AP3D1: variants seen among roughly 807,000 people sequenced by gnomAD.
The protein encoded by AP3D1 is AP-3 complex subunit delta-1.
AP3D1 carries 51 observed loss-of-function variants against 147.6 expected under a neutral mutation model. The ratio of observed to expected loss-of-function variants is 0.35; its 90% CI spans 0.28 to 0.44. The LOEUF (loss-of-function observed/expected upper bound fraction) is 0.44, where lower values mean the gene tolerates loss of function less well. Among genes scored for constraint, AP3D1 ranks in the 20% least tolerant of loss-of-function variants. AP3D1 has a pLI of 1.00. For synonymous variants in AP3D1, 760 were observed against 663.0 expected, an observed-to-expected ratio of 1.15 and a Z score of -2.25; for missense variants, 1,421 against 1,624.2, an observed-to-expected ratio of 0.87 and a Z score of 2.15.
At position 2,110,746 on chromosome 19, in the gene AP3D1, C is replaced by T. The variant is rs367631461; in HGVS notation, c.3136G>A (p.Val1046Ile). 7 of 1,610,074 alleles carry T rather than the reference C, an allele frequency of 4.3e-6. No individual in the cohort carries two copies. Among genetic ancestry groups the T allele is most frequent in the African/African-American group, 4.0e-5 (3 of 74,818 alleles). Residue 1046 changes from valine (V) to isoleucine (I), a missense_variant, in exon 27 of 32, where the codon GTC (valine) becomes ATC (isoleucine). Coordinates refer to ENST00000643116, the MANE Select transcript of AP3D1 (RefSeq NM_001261826.3). ...ARMARPQGSSVHDGVPVPFQL... is the reference protein window; with the variant it reads ...ARMARPQGSSIHDGVPVPFQL... ...AAAGGCACGGGGACGCCATCGTGGACGGAGGAGCCCTGCGGCCGGGCCATC... is the reference window on the plus strand; with the variant it reads ...AAAGGCACGGGGACGCCATCGTGGATGGAGGAGCCCTGCGGCCGGGCCATC...
chr19:2,108,675 C>T lies in AP3D1; in HGVS notation c.3552+12G>A, dbSNP rs769345291. On this transcript the variant is annotated intron_variant, in intron 31 of 31. Coordinates refer to ENST00000643116, the MANE Select transcript of AP3D1 (RefSeq NM_001261826.3). The stretch of plus-strand genomic sequence containing the variant: ...GCAGGAGCCAGGGTGTGCACAGCAG[C>T]CCGAGGCTCACCTTTTTCACCAGGA... 1.3e-6 allele frequency: 2 copies of T among 1,569,032 alleles called. No homozygotes were observed. The highest frequency in any genetic ancestry group is 1.7e-6 in the Non-Finnish European group (2 of 1,157,294).
chr19:2,139,125 T>C (rs992021885), intron 1 of AP3D1, among the ~76,000 whole-genome samples: 16 of 138,876 alleles, frequency 1.2e-4, no homozygotes, highest in Non-Finnish European at 2.2e-4. Flanking sequence ...CACCGTGTAA[T>C]CCATTTCTAT....
chr19:2,130,305 TCAC>T, intron 6 of AP3D1, 100 bp downstream of exon 6: 1 of 1,531,676 alleles, frequency 6.5e-7, no homozygotes, highest in Non-Finnish European at 8.8e-7. Flanking sequence ...ACTGAGCCCT[TCAC>T]CACTCCCCGC....
At position 2,118,839 on chromosome 19, in the gene AP3D1, A is replaced by G. The variant is rs2018532289; in HGVS notation, c.1482-7T>C. ...GTGTGGTTCCTGCAGATGCCTGAGG[A>G]CAGGAAACACTGTGAGCCCCCAGGA... On this transcript the variant is annotated splice_region_variant and splice_polypyrimidine_tract_variant and intron_variant, in intron 14 of 31. Coordinates refer to ENST00000643116, the MANE Select transcript of AP3D1 (RefSeq NM_001261826.3). The G allele has an allele frequency of 2.5e-6, 4 of 1,610,138 alleles. No homozygotes were observed. The East Asian group carries it at 8.9e-5, about 36-fold the overall frequency.
intron 4 of AP3D1, among the ~76,000 whole-genome samples, 183 bp downstream of exon 4, chr19:2,136,828 G>A (rs563657183): frequency 6.8e-4 from 103 of 152,312 alleles, no homozygotes; most frequent in Non-Finnish European, 1.2e-3. Context: ...AGGGAGCGCA[G>A]GCTCAGACCC....
intron 31 of AP3D1, among the ~76,000 whole-genome samples, chr19:2,105,149 G>T (rs991484408): frequency 2.6e-5 from 4 of 152,236 alleles, no homozygotes; most frequent in Admixed American, 6.5e-5. Flanking sequence ...GGTGAGCTTG[G>T]CAAGAGAGCA....
At chr19:2,148,920 C>G (rs904993303) in intron 1 of AP3D1, among the ~76,000 whole-genome samples, 1 of 152,162 alleles carries the variant, frequency 6.6e-6, no homozygotes, top group Non-Finnish European at 1.5e-5. Flanking sequence ...AGTCTTTGTT[C>G]CGGGTGCAGT....
chr19:2,139,101 C>T (rs988417580), intron 1 of AP3D1, among the ~76,000 whole-genome samples: 1 of 147,450 alleles, frequency 6.8e-6, no homozygotes, highest in African/African-American at 2.5e-5. Context: ...AGAAGCCAGG[C>T]ATAAGAGAGA....
intron 1 of AP3D1, among the ~76,000 whole-genome samples, chr19:2,162,484 A>G (rs1036370032): frequency 5.9e-5 from 9 of 151,268 alleles, no homozygotes; most frequent in Admixed American, 5.3e-4. Context: ...AACATGGCGG[A>G]AATGCATCTC....
chr19:2,102,301 G>C (rs752673702), intron 31 of AP3D1, 33 bp from the exon 32 acceptor site: 1 of 1,574,282 alleles, frequency 6.4e-7, no homozygotes, highest in Non-Finnish European at 8.7e-7. Context: ...TATTTTAAAA[G>C]TGTGTGCAGG....
chr19:2,160,893 A>G (rs1162324816), intron 1 of AP3D1, among the ~76,000 whole-genome samples: 1 of 152,058 alleles, frequency 6.6e-6, no homozygotes, highest in Non-Finnish European at 1.5e-5. Flanking sequence ...CTTGCACCTT[A>G]GCTGTGACAA....
At chr19:2,107,080 G>A (rs887987782) in intron 31 of AP3D1, among the ~76,000 whole-genome samples, 1 of 151,842 alleles carries the variant, frequency 6.6e-6, no homozygotes, top group Non-Finnish European at 1.5e-5. Flanking sequence ...TGGCTAACAT[G>A]GTGAAACCCT....
chr19:2,121,202 C>T lies in AP3D1; in HGVS notation c.1211G>A (p.Cys404Tyr). The change falls in exon 13 of 32, where the codon TGC (cysteine) becomes TAC (tyrosine). Residue 404 changes from cysteine to tyrosine, a missense_variant. By Grantham distance (194) the Cys-to-Tyr change is radical. Around this residue, in one of 6 missense-constraint regions of AP3D1, gnomAD observed 310 missense variants for 388.1 expected, o/e 0.80. Transcript: ENST00000643116. ...DELLTKIIDICSQSNYQYITN... is the reference protein window; with the variant it reads ...DELLTKIIDIYSQSNYQYITN... ...GATGTACTGGTAGTTGGACTGGCTG[C>T]AGATGTCAATGATCTTGGTGAGCAG... The T allele has an allele frequency of 6.2e-7, 1 of 1,614,194 alleles. No individual in the cohort carries two copies. Among genetic ancestry groups the T allele is most frequent in the East Asian group, 2.2e-5 (1 of 44,884 alleles).
Position 2,159,753 on chromosome 19 carries a change from T to G in AP3D1, c.-103+4603A>C, listed in dbSNP as rs184995906. ...TCTTGTTCTGTCTCCCAGGCTGGAG[T>G]GCAGTGGCGCTATCTTGGTTCACTG... On this transcript the variant is annotated intron_variant, in intron 1 of 14. Coordinates refer to the AP3D1 transcript ENST00000643010. 4.1e-3 allele frequency among the ~76,000 whole-genome samples: 624 copies of G among 150,690 alleles called. 5 individuals carry two copies. The highest frequency in any genetic ancestry group is 4.8e-3 in the Non-Finnish European group (328 of 67,686).
intron 20 of AP3D1, 41 bp downstream of exon 20, chr19:2,115,178 A>T (rs754357607): frequency 1.1e-5 from 17 of 1,584,102 alleles, no homozygotes; most frequent in Non-Finnish European, 1.5e-5. Context: ...CACATGCGGA[A>T]AGATAGACAT....
At chr19:2,128,472 C>CGTGGA (rs1568294630) in intron 8 of AP3D1, among the ~76,000 whole-genome samples, 3 of 93,722 alleles carry the variant, frequency 3.2e-5, no homozygotes, top group African/African-American at 5.2e-5. Context: ...GGCCCGCCCC[C>CGTGGA]GCCGCTCCGA....
At position 2,110,154 on chromosome 19, in the gene AP3D1, G is replaced by A. The variant is rs1182049379; in HGVS notation, c.3246C>T (p.Thr1082=). ...TGCATACCTTGGCAATGAAGGACAG[G>A]GTCCCCTTGAGCTTCTGCGCCATGA... ...SIVMAQKLKG[T]LSFIAKNDEG... The change falls in exon 28 of 32, where the codon ACC becomes ACT. Residue 1082 remains threonine, a synonymous_variant. Coordinates refer to ENST00000643116, the MANE Select transcript of AP3D1 (RefSeq NM_001261826.3). 1.2e-6 allele frequency: 2 copies of A among 1,612,994 alleles called. No individual in the cohort carries two copies. Among genetic ancestry groups the A allele is most frequent in the Non-Finnish European group, 1.7e-6 (2 of 1,179,904 alleles).
Position 2,120,853 on chromosome 19 carries a change from C to G in AP3D1, c.1481+9G>C, listed in dbSNP as rs746110178. ...AAGCTGCCAGCCCAGAGGCCCAGCG[C>G]CCACTCACTCTGAGAACTCCCCGCA... is the stretch of plus-strand genomic sequence containing the variant. On this transcript the variant is annotated intron_variant, in intron 14 of 31. Coordinates refer to ENST00000643116, the MANE Select transcript of AP3D1 (RefSeq NM_001261826.3). The G allele has an allele frequency of 1.2e-6, 2 of 1,603,572 alleles. No individual in the cohort carries two copies. Among genetic ancestry groups the G allele is most frequent in the Admixed American group, 3.3e-5 (2 of 59,978 alleles).
Position 2,137,766 on chromosome 19 carries a change from G to C in AP3D1, c.234C>G (p.Asn78Lys). Reference protein sequence around the residue: ...LGYDISWAAFNIIEVMSASKF... With the variant: ...LGYDISWAAFKIIEVMSASKF... ...TGGAGGCACTCATCACTTCTATGAT[G>C]TTGAAGGCGGCCCAGCTGATGTCGT... Residue 78 changes from asparagine (N) to lysine (K), a missense_variant, in exon 3 of 32, where the codon AAC becomes AAG. By Grantham distance (94) the Asn-to-Lys change is moderately conservative. Coordinates refer to ENST00000643116, the MANE Select transcript of AP3D1 (RefSeq NM_001261826.3). The C allele has an allele frequency of 1.2e-6, 2 of 1,614,104 alleles. No individual in the cohort carries two copies. The highest frequency in any genetic ancestry group is 1.7e-6 in the Non-Finnish European group (2 of 1,179,978).
Sources: gnomAD v4.1 joint callset for allele counts (sites outside exome capture counted in the v4.1 genomes callset) on GRCh38, gnomAD v4.1.1 for gene constraint, gnomAD v4.1.1 regional missense constraint, MANE v1.5 for transcripts, NCBI Gene and HGNC (gene_info 2026-07-23, HGNC 2026-07-21) for gene names.